The following AGO3 variants were observed in gnomAD, a reference collection of about 807,000 sequenced individuals.
The protein encoded by AGO3 is protein argonaute-3.
AGO3 carries 16 observed loss-of-function variants against 105.5 expected under a neutral mutation model. The observed-to-expected ratio is 0.15, with a 90% CI of 0.10 to 0.23. AGO3 has a LOEUF of 0.23. Among genes scored for constraint, AGO3 ranks in the 10% least tolerant of loss-of-function variants. The pLI is 1.00. For synonymous variants in AGO3, 340 were observed against 367.3 expected, an observed-to-expected ratio of 0.93 and a Z score of 0.85; for missense variants, 534 against 1,088.0, an observed-to-expected ratio of 0.49 and a Z score of 7.16.
At chr1:35,961,243 G>T (rs1280421080) in intron 2 of AGO3, among the ~76,000 whole-genome samples, 2 of 151,894 alleles carry the variant, frequency 1.3e-5, no homozygotes, top group Non-Finnish European at 2.9e-5. Context: ...GAGCCACTGC[G>T]CCTGGCCATT....
chr1:35,970,588 A>G (rs889582099), intron 3 of AGO3, among the ~76,000 whole-genome samples: 1 of 152,080 alleles, frequency 6.6e-6, no homozygotes, highest in Non-Finnish European at 1.5e-5. Context: ...GTCAGTATAC[A>G]TACTGTGTTC....
In AGO3 at chr1:36,007,257, C is replaced by T. The variant is rs1453957511; in HGVS notation, c.794-1433C>T. Among the ~76,000 whole-genome samples, 5 of 152,192 alleles carry T rather than the reference C, an allele frequency of 3.3e-5. 1 individual carries two copies. Among genetic ancestry groups the T allele is most frequent in the African/African-American group, 1.2e-4 (5 of 41,444 alleles). On this transcript the variant is annotated intron_variant, in intron 6 of 18. Coordinates refer to ENST00000373191, the MANE Select transcript of AGO3 (RefSeq NM_024852.4). ...TATTATCAGGGAACTAAAAGTTGTT[C>T]TCCATCTACCCCATTTTGGACTTTA...
chr1:35,931,518 G>A, intron 1 of AGO3, 73 bp downstream of exon 1: 1 of 1,316,044 alleles, frequency 7.6e-7, no homozygotes, highest in East Asian at 3.1e-5. Flanking sequence ...TGCTCCTCCC[G>A]CCCGGCCCAG....
Position 35,931,410 on chromosome 1 carries a change from TC to T in AGO3, c.-11del, listed in dbSNP as rs758462737. The T allele has an allele frequency of 1.1e-5, 16 of 1,479,980 alleles. No homozygotes were observed. Among genetic ancestry groups the T allele is most frequent in the South Asian group, 4.1e-5 (3 of 73,548 alleles). The allele number at this position is 1,479,980 out of a possible 1,614,324, so 91.7% of individuals were successfully genotyped here. On this transcript the variant is annotated 5_prime_UTR_variant, in exon 1 of 19. Coordinates refer to ENST00000373191, the MANE Select transcript of AGO3 (RefSeq NM_024852.4). The stretch of plus-strand genomic sequence containing the variant: ...CGGGCTCCGTTCTCCCTCGAAGCAC[TC>T]CCCCCAGCTCCATGAATGGAAATCG...
chr1:36,024,070 C>G (rs1641373295), intron 11 of AGO3, among the ~76,000 whole-genome samples: 6 of 151,790 alleles, frequency 4.0e-5, no homozygotes, highest in Admixed American at 3.9e-4. Flanking sequence ...ATTTCCTGTA[C>G]CTTTATGCTT....
In AGO3 at chr1:35,958,924, T is replaced by C. The variant is rs183350396; in HGVS notation, c.192-8031T>C. On this transcript the variant is annotated intron_variant, in intron 2 of 18. Coordinates refer to ENST00000373191, the MANE Select transcript of AGO3 (RefSeq NM_024852.4). Reference sequence around the variant, plus strand: ...ACTGTAGTGACACATTCATTTATTGTAGCCATGGATAATGTCAGTAGACTT... The same window carrying C: ...ACTGTAGTGACACATTCATTTATTGCAGCCATGGATAATGTCAGTAGACTT... 3.3e-5 allele frequency among the ~76,000 whole-genome samples: 5 copies of C among 152,370 alleles called. No homozygotes were observed. The East Asian group carries it at 9.6e-4, about 29-fold the overall frequency.
chr1:35,976,930 G>T (rs893681250), intron 5 of AGO3, among the ~76,000 whole-genome samples: 6 of 151,970 alleles, frequency 3.9e-5, no homozygotes, highest in Admixed American at 1.3e-4. Context: ...AAATAGTATT[G>T]ATATTATCAG....
chr1:36,005,986 C>G (rs774160131), intron 6 of AGO3: 34 of 788,332 alleles, frequency 4.3e-5, no homozygotes, highest in Non-Finnish European at 9.2e-6. Flanking sequence ...CAACTTTTTG[C>G]TAGCACCTAG....
chr1:35,931,425 G>A lies in AGO3; in HGVS notation c.-2G>A. ...CTCGAAGCACTCCCCCCAGCTCCAT[G>A]AATGGAAATCGGCTCCGCAGGTGAG... On this transcript the variant is annotated 5_prime_UTR_variant, in exon 1 of 19. The change abolishes an upstream ATG in the 5' untranslated region. Coordinates refer to ENST00000373191, the MANE Select transcript of AGO3 (RefSeq NM_024852.4). 6.6e-7 allele frequency: 1 copy of A among 1,514,792 alleles called. No homozygotes were observed. The highest frequency in any genetic ancestry group is 8.8e-7 in the Non-Finnish European group (1 of 1,130,778). 93.8% of individuals were successfully genotyped at this position (1,514,792 alleles called of 1,614,324 possible).
intron 17 of AGO3, among the ~76,000 whole-genome samples, chr1:36,051,904 A>T (rs1642731127): frequency 1.3e-5 from 2 of 152,370 alleles, no homozygotes; most frequent in South Asian, 4.1e-4. Context: ...ACTCAAATTA[A>T]TATAGTCATT....
intron 5 of AGO3, among the ~76,000 whole-genome samples, chr1:35,996,176 T>C (rs1232710834): frequency 1.3e-5 from 2 of 151,846 alleles, no homozygotes; most frequent in African/African-American, 4.8e-5. Context: ...ATTTTTTTAA[T>C]TAGCTGAGCG....
intron 2 of AGO3, among the ~76,000 whole-genome samples, chr1:35,949,084 C>T (rs1255323757): frequency 6.6e-6 from 1 of 152,100 alleles, no homozygotes; most frequent in Non-Finnish European, 1.5e-5. Flanking sequence ...GCTGGAATTA[C>T]AGGCATGTGC....
At position 35,935,573 on chromosome 1, in the gene AGO3, T is replaced by A. The variant is rs188160648; in HGVS notation, c.19+4128T>A. The stretch of plus-strand genomic sequence containing the variant: ...ATATCTTCCAATGGGAACATTGCGT[T>A]TTTTAGTTACTGCCTGGCCTGACAG... On this transcript the variant is annotated intron_variant, in intron 1 of 18. Coordinates refer to ENST00000373191, the MANE Select transcript of AGO3 (RefSeq NM_024852.4). Among the ~76,000 whole-genome samples, 387 of 152,348 alleles carry A rather than the reference T, an allele frequency of 2.5e-3. 3 individuals are homozygous for A. Among genetic ancestry groups the A allele is most frequent in the Non-Finnish European group, 1.4e-3 (97 of 68,028 alleles).
chr1:35,974,109 T>C (rs992990862), intron 5 of AGO3, among the ~76,000 whole-genome samples: 13 of 152,184 alleles, frequency 8.5e-5, no homozygotes, highest in Admixed American at 7.2e-4. Context: ...TTATCCCTAT[T>C]ACTTCAATGT....
intron 1 of AGO3, among the ~76,000 whole-genome samples, chr1:35,938,372 A>ATC (rs1646190406): frequency 6.6e-6 from 1 of 152,216 alleles, no homozygotes; most frequent in Admixed American, 6.5e-5. Flanking sequence ...CTCAAATAGA[A>ATC]GATGAAAGTA....
At chr1:36,020,606 C>CATTTATTTATTTATTT (rs367968988) in intron 11 of AGO3, among the ~76,000 whole-genome samples, 2 of 151,932 alleles carry the variant, frequency 1.3e-5, no homozygotes, top group South Asian at 4.2e-4. Context: ...AACTGCCATA[C>CATTTATTTATTTATTT]ATTTATTTAT....
chr1:35,977,656 G>A (rs775160199), intron 5 of AGO3, among the ~76,000 whole-genome samples: 5 of 152,120 alleles, frequency 3.3e-5, no homozygotes, highest in Non-Finnish European at 7.4e-5. Context: ...GCCTCCCAAA[G>A]TGCTGGGATT....
chr1:36,034,134 G>C, intron 12 of AGO3, 40 bp from the exon 13 acceptor site: 1 of 1,461,214 alleles, frequency 6.8e-7, no homozygotes, highest in Non-Finnish European at 9.1e-7. Context: ...TTATTTTCAG[G>C]TCTTTTTTTC....
At chr1:36,003,709 A>ATATATATATATAT (rs1553165851) in intron 5 of AGO3, among the ~76,000 whole-genome samples, 1 of 99,446 alleles carries the variant, frequency 1.0e-5, no homozygotes, top group African/African-American at 4.0e-5. Context: ...AAAAAAAAAA[A>ATATATATATATAT]ATATATATAT....
Sources: gnomAD v4.1 joint callset for allele counts (sites outside exome capture counted in the v4.1 genomes callset) on GRCh38, gnomAD v4.1.1 for gene constraint, MANE v1.5 for transcripts, NCBI Gene and HGNC (gene_info 2026-07-23, HGNC 2026-07-21) for gene names.